IQCE: variants seen among roughly 807,000 people sequenced by gnomAD.
IQCE encodes the protein IQ motif containing E, also known as IQ domain-containing protein E.
Under a neutral mutation model 96.0 loss-of-function variants are expected in IQCE, and 115 were observed. The observed-to-expected ratio is 1.20, with a 90% CI of 1.03 to 1.40. IQCE has a LOEUF of 1.40. IQCE is among the 40% of genes most tolerant of loss of function. The pLI is 0.00. For missense variants in IQCE, 1,041 were observed against 909.1 expected, an observed-to-expected ratio of 1.15 and a Z score of -1.87; for synonymous variants, 412 against 371.2, an observed-to-expected ratio of 1.11 and a Z score of -1.26.
chr7:2,576,097 C>T (rs557265890), intron 6 of IQCE, among the ~76,000 whole-genome samples: 22 of 152,324 alleles, frequency 1.4e-4, no homozygotes, highest in African/African-American at 4.6e-4. Flanking sequence ...TTGTCTGCAA[C>T]GATCTTGCCA....
chr7:2,563,268 C>T (rs1209169213), intron 1 of IQCE, among the ~76,000 whole-genome samples: 1 of 152,150 alleles, frequency 6.6e-6, no homozygotes, highest in East Asian at 1.9e-4. Context: ...GCGATCATGG[C>T]TCACTGCAGC....
chr7:2,588,481 G>A (rs907097358), intron 13 of IQCE, among the ~76,000 whole-genome samples: 1 of 150,658 alleles, frequency 6.6e-6, no homozygotes, highest in Non-Finnish European at 1.5e-5. Context: ...AACCTCCCCA[G>A]TAGCTGGGAC....
At chr7:2,576,677 G>A (rs1435979258) in intron 6 of IQCE, among the ~76,000 whole-genome samples, 1 of 152,010 alleles carries the variant, frequency 6.6e-6, no homozygotes, top group Non-Finnish European at 1.5e-5. Flanking sequence ...GGGATTACAG[G>A]GGTAAGCCAC....
intron 19 of IQCE, 34 bp from the exon 20 acceptor site, chr7:2,605,842 A>G (rs1461084426): frequency 2.6e-6 from 4 of 1,515,726 alleles, no homozygotes; most frequent in African/African-American, 2.8e-5. Context: ...GGGGCTGCCA[A>G]ACAGTCGTCT....
rs909053081 is a variant in IQCE, at chr7:2,614,605, A to G, written c.*4443A>G. 1.3e-5 allele frequency: 2 copies of G among 152,244 alleles called. No individual in the cohort carries two copies. Among genetic ancestry groups the G allele is most frequent in the Non-Finnish European group, 2.9e-5 (2 of 68,048 alleles). The allele number at this position is 152,244 out of a possible 1,614,324, so 9.4% of individuals were successfully genotyped here. On this transcript the variant is annotated 3_prime_UTR_variant, in exon 22 of 22. Coordinates refer to ENST00000402050, the MANE Select transcript of IQCE (RefSeq NM_152558.5). ...CGCTGGTCTTTGGCATTTTGTATTT[A>G]GAATTATTCTAACTTTATACATAAT...
chr7:2,586,094 C>G, intron 11 of IQCE, 114 bp from the exon 12 acceptor site: 1 of 991,232 alleles, frequency 1.0e-6, no homozygotes, highest in Non-Finnish European at 1.5e-6. Flanking sequence ...CCTGCAAAAA[C>G]CACTCTGAGC....
At chr7:2,603,179 C>T (rs1784552926) in intron 18 of IQCE, among the ~76,000 whole-genome samples, 1 of 152,152 alleles carries the variant, frequency 6.6e-6, no homozygotes, top group Non-Finnish European at 1.5e-5. Flanking sequence ...CCGAGGTCTC[C>T]AGCATGTCAG....
chr7:2,572,350 G>C, intron 5 of IQCE, 24 bp downstream of exon 5: 2 of 1,611,052 alleles, frequency 1.2e-6, no homozygotes, highest in Non-Finnish European at 1.7e-6. Context: ...TGGTGGCGAG[G>C]CTGAGGCCAA....
At position 2,559,114 on chromosome 7, in the gene IQCE, C is replaced by A; in HGVS notation, c.-68C>A. On this transcript the variant is annotated 5_prime_UTR_variant, in exon 1 of 22. It introduces an in-frame stop codon into an upstream open reading frame of the 5' UTR. Coordinates refer to ENST00000402050, the MANE Select transcript of IQCE (RefSeq NM_152558.5). Reference sequence around the variant, plus strand: ...CCGAGGCTGCGGGCGGCCAGGGCTGCCCGCGGATTCCCAGACCCGGACGCC... The same window carrying A: ...CCGAGGCTGCGGGCGGCCAGGGCTGACCGCGGATTCCCAGACCCGGACGCC... 1 of 1,020,530 alleles carries A rather than the reference C, an allele frequency of 9.8e-7. No individual in the cohort carries two copies. The highest frequency in any genetic ancestry group is 3.7e-5 in the East Asian group (1 of 26,750). 63.2% of individuals were successfully genotyped at this position (1,020,530 alleles called of 1,614,324 possible). A position where few individuals can be genotyped will look rare whatever the true frequency, so the allele number is the denominator to read the frequency against.
chr7:2,575,824 C>CCCT (rs1457885523), intron 6 of IQCE, among the ~76,000 whole-genome samples: 5 of 152,156 alleles, frequency 3.3e-5, no homozygotes, highest in Non-Finnish European at 7.3e-5. Flanking sequence ...TGAAGGAGCT[C>CCCT]CCTGCCGTGT....
At chr7:2,587,573 G>A (rs1464875606) in intron 12 of IQCE, among the ~76,000 whole-genome samples, 1 of 152,098 alleles carries the variant, frequency 6.6e-6, no homozygotes, top group African/African-American at 2.4e-5. Flanking sequence ...AGGTGGAATC[G>A]GGAAAGGATG....
At chr7:2,597,923 C>T (rs1288698263) in intron 16 of IQCE, among the ~76,000 whole-genome samples, 1 of 152,162 alleles carries the variant, frequency 6.6e-6, no homozygotes, top group Non-Finnish European at 1.5e-5. Context: ...CCTGCTTGGC[C>T]CCCCACATTG....
chr7:2,580,924 T>A (rs559437800), intron 8 of IQCE, among the ~76,000 whole-genome samples: 21 of 148,774 alleles, frequency 1.4e-4, no homozygotes, highest in African/African-American at 4.9e-4. Flanking sequence ...TAACATCATC[T>A]TTTTTTTTTG....
At chr7:2,572,613 T>A in intron 5 of IQCE, 1 of 576,000 alleles carries the variant, frequency 1.7e-6, no homozygotes. Flanking sequence ...ATTCATTGAG[T>A]AAATGATATT....
At chr7:2,594,032 C>T (rs773543845) in intron 15 of IQCE, among the ~76,000 whole-genome samples, 3 of 152,058 alleles carry the variant, frequency 2.0e-5, no homozygotes, top group Admixed American at 1.3e-4. Flanking sequence ...GAGGCCGAGG[C>T]GGGCAGATCG....
chr7:2,614,338 C>T lies in IQCE; in HGVS notation c.*4176C>T, dbSNP rs1033088563. 3.3e-4 allele frequency: 50 copies of T among 152,390 alleles called. No individual in the cohort carries two copies. The highest frequency in any genetic ancestry group is 1.2e-3 in the African/African-American group (49 of 41,590). 9.4% of individuals were successfully genotyped at this position (152,390 alleles called of 1,614,324 possible). On this transcript the variant is annotated 3_prime_UTR_variant, in exon 22 of 22. Transcript: ENST00000402050. ...GGAAGCAGCGTTTGCTCTCCCGTGG[C>T]TCGGATTCTCTGAGGACCAGGGAGT...
intron 6 of IQCE, 150 bp downstream of exon 6, chr7:2,573,638 C>T (rs1325713096): frequency 3.7e-6 from 2 of 537,910 alleles, no homozygotes; most frequent in South Asian, 2.5e-5. Flanking sequence ...TGGCGTAGTG[C>T]CCTAGGAGCT....
chr7:2,578,595 C>A, intron 8 of IQCE, 69 bp downstream of exon 8: 1 of 1,542,144 alleles, frequency 6.5e-7, no homozygotes, highest in Non-Finnish European at 9.0e-7. Flanking sequence ...CACAGAGGGA[C>A]GCCTTTCCCT....
chr7:2,578,345 A>T lies in IQCE; in HGVS notation c.569A>T (p.Asp190Val). 2 of 1,614,032 alleles carry T rather than the reference A, an allele frequency of 1.2e-6. No homozygotes were observed. Among genetic ancestry groups the T allele is most frequent in the Non-Finnish European group, 1.7e-6 (2 of 1,179,904 alleles). The change falls in exon 7 of 22, where the codon GAT becomes GTT. Residue 190 changes from aspartate to valine, a missense_variant. By Grantham distance (152) the Asp-to-Val change is radical. Coordinates refer to ENST00000402050, the MANE Select transcript of IQCE (RefSeq NM_152558.5). Reference sequence around the variant, plus strand: ...GACCGGCAGATAGAGCAGCTCCTGGATCCCAGCCGCGTAAGCTCCTGGCGC... The same window carrying T: ...GACCGGCAGATAGAGCAGCTCCTGGTTCCCAGCCGCGTAAGCTCCTGGCGC... ...RKDRQIEQLL[D>V]PSRGTDFVRT...
Sources: allele counts gnomAD v4.1 joint callset (sites outside exome capture counted in the v4.1 genomes callset), GRCh38; gene constraint gnomAD v4.1.1; transcripts MANE v1.5; gene names NCBI Gene and HGNC (gene_info 2026-07-23, HGNC 2026-07-21).